The following PRKD3 variants were observed in gnomAD, a reference collection of about 807,000 sequenced individuals.
The protein encoded by PRKD3 is protein kinase D3.
A neutral mutation model predicts 99.2 loss-of-function variants in PRKD3; 47 were observed. The ratio of observed to expected loss-of-function variants is 0.47; its 90% confidence interval spans 0.38 to 0.60. The LOEUF (loss-of-function observed/expected upper bound fraction) is 0.60. PRKD3 is among the 20% of genes least tolerant of loss of function. The probability of loss-of-function intolerance (pLI) is 0.00; values close to 1 mark genes in which losing one functional copy is unlikely to be tolerated. For missense variants in PRKD3, 1,019 were observed against 1,088.4 expected (o/e 0.94, Z 0.90); for synonymous variants, 392 against 355.4 (o/e 1.10, Z -1.16).
intron 13 of PRKD3, chr2:37,267,783 G>T: frequency 2.4e-6 from 1 of 412,358 alleles, no homozygotes; most frequent in Non-Finnish European, 4.3e-6. Context: ...TGAACTTGTT[G>T]CTGAAAAGTA....
rs8243 is a variant in PRKD3, at chr2:37,250,651, C to A, written c.*2526G>T. 109,235 of 152,068 alleles carry A rather than the reference C, an allele frequency of 0.72. 40,098 individuals are homozygous for A. The highest frequency in any genetic ancestry group is 0.98 in the East Asian group (5,087 of 5,184). The allele number at this position is 152,068 out of a possible 1,614,324, so 9.4% of individuals were successfully genotyped here. A position where few individuals can be genotyped will look rare whatever the true frequency, so the allele number is the denominator to read the frequency against. On this transcript the variant is annotated 3_prime_UTR_variant, in exon 19 of 19. Coordinates refer to ENST00000234179, the MANE Select transcript of PRKD3 (RefSeq NM_005813.6). ...GTCTGGTAAAATAACACAACCAGGT[C>A]AAACTTTTCTTTGGATACTTATACT...
intron 15 of PRKD3, 60 bp downstream of exon 15, chr2:37,260,163 T>C: frequency 6.9e-7 from 1 of 1,456,148 alleles, no homozygotes; most frequent in Non-Finnish European, 9.4e-7. Context: ...GACTCTTGTC[T>C]TAAAAAAAAA....
intron 11 of PRKD3, 123 bp from the exon 12 acceptor site, chr2:37,272,555 C>T (rs991210427): frequency 8.0e-7 from 1 of 1,252,016 alleles, no homozygotes; most frequent in South Asian, 1.8e-5. Context: ...CAATTATGTA[C>T]ATTAACAAAA....
chr2:37,255,110 TAGAAG>T (rs1667828052), intron 17 of PRKD3, among the ~76,000 whole-genome samples: 1 of 152,228 alleles, frequency 6.6e-6, no homozygotes, highest in African/African-American at 2.4e-5. Flanking sequence ...GTGATTCTGA[TAGAAG>T]AGGTCTACAG....
chr2:37,267,350 AAAAAAAAAAAAAGAG>A (rs1378892720), intron 14 of PRKD3, 65 bp downstream of exon 14: 4 of 1,020,720 alleles, frequency 3.9e-6, no homozygotes, highest in Non-Finnish European at 5.5e-6. Context: ...CCTTCTTAAA[AAAAAAAAAAAAAGAG>A]AAGCAGTTAA....
chr2:37,258,348 G>A (rs552143102), intron 16 of PRKD3, among the ~76,000 whole-genome samples: 1 of 152,160 alleles, frequency 6.6e-6, no homozygotes, highest in Non-Finnish European at 1.5e-5. Context: ...TGAGCCTGAA[G>A]AAATACAAAC....
intron 11 of PRKD3, 112 bp downstream of exon 11, chr2:37,274,309 C>G (rs1163490311): frequency 1.6e-6 from 2 of 1,256,768 alleles, no homozygotes; most frequent in Non-Finnish European, 2.2e-6. Flanking sequence ...GTATTGGTTA[C>G]TAAAGACTAA....
chr2:37,267,716 C>G, intron 13 of PRKD3, 180 bp from the exon 14 acceptor site: 1 of 541,792 alleles, frequency 1.8e-6, no homozygotes. Context: ...CCCCTCCATA[C>G]ATAATATTTG....
Position 37,254,303 on chromosome 2 carries a change from C to G in PRKD3, c.2414-14G>C. The G allele has an allele frequency of 6.2e-7, 1 of 1,603,092 alleles. No homozygotes were observed. Among genetic ancestry groups the G allele is most frequent in the Non-Finnish European group, 8.5e-7 (1 of 1,170,140 alleles). ...TCAGATCAATTGCTAAGGGAAAAGACAAAACAAGATACATGAATTTGGGTG... is the reference window on the plus strand; with the variant it reads ...TCAGATCAATTGCTAAGGGAAAAGAGAAAACAAGATACATGAATTTGGGTG... On this transcript the variant is annotated splice_polypyrimidine_tract_variant and intron_variant, in intron 17 of 18. Coordinates refer to ENST00000234179, the MANE Select transcript of PRKD3 (RefSeq NM_005813.6).
chr2:37,300,639 T>G (rs547355091), intron 2 of PRKD3, among the ~76,000 whole-genome samples: 1 of 152,294 alleles, frequency 6.6e-6, no homozygotes, highest in South Asian at 2.1e-4. Context: ...CACATGTACC[T>G]CATAAATATG....
chr2:37,297,313 G>A (rs13401291), intron 2 of PRKD3, among the ~76,000 whole-genome samples: 6,804 of 152,022 alleles, frequency 0.045, 170 homozygotes, highest in African/African-American at 0.052. Context: ...TGTATGTATT[G>A]TATATACTCT....
At position 37,278,093 on chromosome 2, in the gene PRKD3, T is replaced by C; in HGVS notation, c.1173-104A>G. 4 of 913,304 alleles carry C rather than the reference T, an allele frequency of 4.4e-6. 1 individual carries two copies. The highest frequency in any genetic ancestry group is 3.0e-5 in the East Asian group (1 of 33,036). 56.6% of individuals were successfully genotyped at this position (913,304 alleles called of 1,614,324 possible). On this transcript the variant is annotated intron_variant, in intron 8 of 18. Coordinates refer to ENST00000234179, the MANE Select transcript of PRKD3 (RefSeq NM_005813.6). Reference sequence around the variant, plus strand: ...TTAAAGACAACTGAGCTAAAATTTTTCAAAATATCTTAGTAAAATAAACAA... The same window carrying C: ...TTAAAGACAACTGAGCTAAAATTTTCCAAAATATCTTAGTAAAATAAACAA...
In PRKD3 at chr2:37,280,867, G is replaced by A. The variant is rs533877466; in HGVS notation, c.989-938C>T. On this transcript the variant is annotated intron_variant, in intron 7 of 18. Transcript: ENST00000234179. Reference sequence around the variant, plus strand: ...TATAAGCAAATCATATGCCAGATAAGGGACTAGTATCCAGGGTATTTAAAA... The same window carrying A: ...TATAAGCAAATCATATGCCAGATAAAGGACTAGTATCCAGGGTATTTAAAA... Among the ~76,000 whole-genome samples, 282 of 152,288 alleles carry A rather than the reference G, an allele frequency of 1.9e-3. 1 individual carries two copies. Among genetic ancestry groups the A allele is most frequent in the African/African-American group, 6.6e-3 (276 of 41,566 alleles).
At chr2:37,272,566 T>C (rs1669338700) in intron 11 of PRKD3, 134 bp from the exon 12 acceptor site, 3 of 1,150,448 alleles carry the variant, frequency 2.6e-6, no homozygotes, top group East Asian at 2.9e-5. Flanking sequence ...ATTAACAAAA[T>C]CTACACATAC....
intron 16 of PRKD3, among the ~76,000 whole-genome samples, chr2:37,259,067 C>A (rs1668208827): frequency 6.6e-6 from 1 of 150,462 alleles, no homozygotes; most frequent in African/African-American, 2.4e-5. Flanking sequence ...AAAAAAAACT[C>A]AACTGAATTA....
In PRKD3 at chr2:37,289,472, G is replaced by C. The variant is rs1462489626; in HGVS notation, c.601C>G (p.Pro201Ala). 1 of 1,613,494 alleles carries C rather than the reference G, an allele frequency of 6.2e-7. No individual in the cohort carries two copies. The highest frequency in any genetic ancestry group is 8.5e-7 in the Non-Finnish European group (1 of 1,179,564). Reference protein sequence around the residue: ...NYHKRCAFKIPNNCSGVRKRR... With the variant: ...NYHKRCAFKIANNCSGVRKRR... ...TTTCTTACTCCACTACAGTTATTTG[G>C]AATCTTGAAGGCACATCGTTTATGG... The change falls in exon 5 of 19, where the codon CCA becomes GCA. Residue 201 changes from proline to alanine, a missense_variant. Around this residue, in one of 3 missense-constraint regions of PRKD3, gnomAD observed 710 missense variants for 692.7 expected, o/e 1.02. Transcript: ENST00000234179.
At chr2:37,317,323 G>A (rs912195197) in intron 1 of PRKD3, 144 bp from the exon 2 acceptor site, 5 of 226,210 alleles carry the variant, frequency 2.2e-5, no homozygotes, top group African/African-American at 9.4e-5. Flanking sequence ...GCAATTTTTG[G>A]CTAGTTAGCA....
chr2:37,315,346 A>G (rs758103541), intron 2 of PRKD3, among the ~76,000 whole-genome samples: 2 of 152,222 alleles, frequency 1.3e-5, no homozygotes, highest in Non-Finnish European at 2.9e-5. Context: ...GAAACAACAT[A>G]AAACCACCCT....
chr2:37,277,583 G>A (rs997093361), intron 9 of PRKD3, among the ~76,000 whole-genome samples: 10 of 152,024 alleles, frequency 6.6e-5, no homozygotes, highest in African/African-American at 2.4e-4. Flanking sequence ...CTCTATTTGT[G>A]GCTCCACTGT....
Sources: allele counts gnomAD v4.1 joint callset (sites outside exome capture counted in the v4.1 genomes callset), GRCh38; gene constraint gnomAD v4.1.1; regional missense constraint gnomAD v4.1.1; transcripts MANE v1.5; gene names NCBI Gene and HGNC (gene_info 2026-07-23, HGNC 2026-07-21).